The following RBPMS variants were observed in gnomAD, a reference collection of about 807,000 sequenced individuals.
RBPMS encodes the protein RNA-binding protein with multiple splicing.
A neutral mutation model predicts 26.8 loss-of-function variants in RBPMS; 7 were observed. That is an observed-to-expected ratio of 0.26 (90% CI 0.15 to 0.49). The LOEUF is 0.49. Ranked by LOEUF, RBPMS falls within the 20% of genes least tolerant of loss-of-function variation. RBPMS has a pLI of 0.98. For synonymous variants in RBPMS, 96 were observed against 93.3 expected, an observed-to-expected ratio of 1.03 and a Z score of -0.17; for missense variants, 186 against 250.0, an observed-to-expected ratio of 0.74 and a Z score of 1.73.
chr8:30,510,641 G>A (rs1216248518), intron 5 of RBPMS, among the ~76,000 whole-genome samples: 1 of 152,100 alleles, frequency 6.6e-6, no homozygotes, highest in East Asian at 1.9e-4. Flanking sequence ...GGAGTTCAGT[G>A]GCACAATCAT....
chr8:30,433,691 A>G (rs976047466), intron 1 of RBPMS, among the ~76,000 whole-genome samples: 1 of 152,164 alleles, frequency 6.6e-6, no homozygotes, highest in Non-Finnish European at 1.5e-5. Flanking sequence ...AAAAAGAAAA[A>G]GAGGGTGAAT....
intron 6 of RBPMS, chr8:30,547,295 TTC>T (rs1218285525): frequency 6.3e-7 from 1 of 1,599,272 alleles, no homozygotes; most frequent in Non-Finnish European, 8.5e-7. Flanking sequence ...CTTCTAGTGT[TTC>T]TCTCCTGAGG....
intron 4 of RBPMS, among the ~76,000 whole-genome samples, chr8:30,489,220 T>A (rs1057409473): frequency 6.6e-6 from 1 of 152,014 alleles, no homozygotes; most frequent in Admixed American, 6.5e-5. Context: ...CTAATTTTTT[T>A]ATGTTTTGTA....
intron 4 of RBPMS, among the ~76,000 whole-genome samples, chr8:30,489,874 G>A (rs934015130): frequency 2.7e-5 from 4 of 148,814 alleles, no homozygotes; most frequent in East Asian, 4.1e-4. Context: ...GCAGTGGCGC[G>A]ATGTTGGCTC....
At chr8:30,430,631 A>C (rs376657914) in intron 1 of RBPMS, among the ~76,000 whole-genome samples, 4 of 152,316 alleles carry the variant, frequency 2.6e-5, no homozygotes, top group African/African-American at 9.6e-5. Context: ...CCTAGTAGCT[A>C]TCTCACTTAT....
intron 6 of RBPMS, among the ~76,000 whole-genome samples, chr8:30,554,029 G>C (rs989321813): frequency 6.6e-6 from 1 of 152,194 alleles, no homozygotes; most frequent in Non-Finnish European, 1.5e-5. Context: ...ACCCGCCTCA[G>C]CCTCCCGAAG....
At chr8:30,543,276 C>T (rs1011998038) in intron 5 of RBPMS, among the ~76,000 whole-genome samples, 6 of 152,146 alleles carry the variant, frequency 3.9e-5, no homozygotes, top group African/African-American at 1.4e-4. Context: ...TTTCTGGTTT[C>T]GCCATAGAGC....
intron 1 of RBPMS, among the ~76,000 whole-genome samples, chr8:30,441,935 G>A (rs1349620061): frequency 1.3e-5 from 2 of 151,968 alleles, no homozygotes; most frequent in Admixed American, 6.5e-5. Context: ...GATTACAGGC[G>A]TGTGCCACCA....
At chr8:30,524,434 G>A (rs1165157076) in intron 5 of RBPMS, among the ~76,000 whole-genome samples, 1 of 152,094 alleles carries the variant, frequency 6.6e-6, no homozygotes, top group African/African-American at 2.4e-5. Context: ...TGCTTAAGGA[G>A]ATATGTAGTT....
At chr8:30,570,139 C>CTT (rs775376777) in intron 8 of RBPMS, among the ~76,000 whole-genome samples, 14 of 152,182 alleles carry the variant, frequency 9.2e-5, no homozygotes, top group Non-Finnish European at 2.1e-4. Flanking sequence ...CATTTCAGGA[C>CTT]TTTTTAAAAC....
intron 5 of RBPMS, among the ~76,000 whole-genome samples, chr8:30,538,180 T>C (rs1824997420): frequency 6.6e-6 from 1 of 152,136 alleles, no homozygotes. Flanking sequence ...TACAGTTGGT[T>C]CCCTGTACAG....
At chr8:30,419,450 A>ATATGTGTGTGTGTGTGTGTGTG (rs1554509328) in intron 1 of RBPMS, among the ~76,000 whole-genome samples, 3 of 143,176 alleles carry the variant, frequency 2.1e-5, no homozygotes, top group African/African-American at 7.9e-5. Context: ...CATCTCAAAA[A>ATATGTGTGTGTGTGTGTGTGTG]TGTGTGTGTG....
Position 30,439,069 on chromosome 8 carries a change from T to C in RBPMS, c.67-35710T>C, listed in dbSNP as rs548463887. ...TGAAATTACAAGAAGATGTGACTTA[T>C]TTTAAATGTTTGTTTGCTGAGGGGG... On this transcript the variant is annotated intron_variant, in intron 1 of 8. Coordinates refer to ENST00000397323, the MANE Select transcript of RBPMS (RefSeq NM_001008710.3). 1.6e-4 allele frequency among the ~76,000 whole-genome samples: 24 copies of C among 152,356 alleles called. No individual in the cohort carries two copies. In the South Asian group the frequency reaches 5.0e-3, roughly 32 times the overall value.
At chr8:30,437,269 T>C (rs1376989181) in intron 1 of RBPMS, among the ~76,000 whole-genome samples, 1 of 151,944 alleles carries the variant, frequency 6.6e-6, no homozygotes, top group East Asian at 1.9e-4. Flanking sequence ...TAAGTCAAAA[T>C]GTTAAAATTG....
At position 30,540,816 on chromosome 8, in the gene RBPMS, G is replaced by A. The variant is rs1050907862; in HGVS notation, c.398-3678G>A. Among the ~76,000 whole-genome samples the A allele has an allele frequency of 3.0e-4, 45 of 152,304 alleles. 1 individual carries two copies. The highest frequency in any genetic ancestry group is 2.4e-3 in the Admixed American group (36 of 15,296). ...CCTTTTCAGTAATCCAGTAGTGTTG[G>A]TGAAGATCAAACTGGATCATGGGAT... On this transcript the variant is annotated intron_variant, in intron 5 of 8. Coordinates refer to ENST00000397323, the MANE Select transcript of RBPMS (RefSeq NM_001008710.3).
At position 30,411,833 on chromosome 8, in the gene RBPMS, AGAATTAGCTGGGC is replaced by A. The variant is rs576099980; in HGVS notation, c.66+26677_66+26689del. Among the ~76,000 whole-genome samples the A allele has an allele frequency of 1.8e-4, 28 of 152,116 alleles. No individual in the cohort carries two copies. In the East Asian group the frequency reaches 4.3e-3, roughly 23 times the overall value. ...CCCTGTCTCTACTTTAAAAAAATGCAGAATTAGCTGGGCGTTGTGGTCTGTGCCTGTAATCCCA... is the reference window on the plus strand; with the variant it reads ...CCCTGTCTCTACTTTAAAAAAATGCAGTTGTGGTCTGTGCCTGTAATCCCA... On this transcript the variant is annotated intron_variant, in intron 1 of 8. Coordinates refer to ENST00000397323, the MANE Select transcript of RBPMS (RefSeq NM_001008710.3).
At chr8:30,514,396 A>G (rs1381160828) in intron 5 of RBPMS, among the ~76,000 whole-genome samples, 1 of 152,122 alleles carries the variant, frequency 6.6e-6, no homozygotes, top group African/African-American at 2.4e-5. Flanking sequence ...TTTTTCTTGA[A>G]AAATTGTGAG....
chr8:30,499,466 A>C (rs1820326638), intron 4 of RBPMS, among the ~76,000 whole-genome samples: 1 of 152,194 alleles, frequency 6.6e-6, no homozygotes, highest in Admixed American at 6.5e-5. Context: ...TACAATAGAG[A>C]AACTTGGCAA....
chr8:30,452,100 A>G (rs911900257), intron 1 of RBPMS, among the ~76,000 whole-genome samples: 1 of 152,202 alleles, frequency 6.6e-6, no homozygotes, highest in Non-Finnish European at 1.5e-5. Context: ...ACAAGGCTGC[A>G]TTCGTGTGTC....
Sources: gnomAD v4.1 joint callset for allele counts (sites outside exome capture counted in the v4.1 genomes callset) on GRCh38, gnomAD v4.1.1 for gene constraint, MANE v1.5 for transcripts, NCBI Gene and HGNC (gene_info 2026-07-23, HGNC 2026-07-21) for gene names.